XYLT1: variants seen among roughly 807,000 people sequenced by gnomAD.
XYLT1 encodes the protein xylosyltransferase 1.
In XYLT1, 36 loss-of-function variants were observed where a neutral mutation model predicts 91.3. The ratio of observed to expected loss-of-function variants is 0.39; its 90% CI spans 0.30 to 0.52. The LOEUF is 0.52. Ranked by LOEUF, XYLT1 falls within the 20% of genes least tolerant of loss-of-function variation. The pLI, the probability that XYLT1 is intolerant of heterozygous loss-of-function variation, is 0.68. For synonymous variants in XYLT1, 588 were observed against 532.0 expected, an observed-to-expected ratio of 1.11 and a Z score of -1.45; for missense variants, 1,242 against 1,284.5, an observed-to-expected ratio of 0.97 and a Z score of 0.51.
chr16:17,205,563 T>C lies in XYLT1; in HGVS notation c.914-4909A>G, dbSNP rs979772117. Among the ~76,000 whole-genome samples the C allele has an allele frequency of 3.4e-4, 52 of 152,218 alleles. 2 individuals carry two copies. The highest frequency in any genetic ancestry group is 4.4e-5 in the Non-Finnish European group (3 of 68,038). On this transcript the variant is annotated intron_variant, in intron 3 of 11. Transcript: ENST00000261381. The stretch of plus-strand genomic sequence containing the variant: ...TTCACATCCAGAAGAGAGAGCACAG[T>C]GCCTGGCATCTAGCAAATCCTCAAT...
intron 3 of XYLT1, chr16:17,249,916 T>C (rs953930965): frequency 6.6e-6 from 1 of 152,280 alleles, no homozygotes; most frequent in Non-Finnish European, 1.5e-5. Flanking sequence ...CATCAAGCAA[T>C]GCACCCACCT....
At chr16:17,230,963 C>T (rs2033148955) in intron 3 of XYLT1, among the ~76,000 whole-genome samples, 1 of 152,184 alleles carries the variant, frequency 6.6e-6, no homozygotes, top group Non-Finnish European at 1.5e-5. Flanking sequence ...AAGAATGATC[C>T]AGCCCAAAGT....
At chr16:17,267,137 G>A (rs1296988733) in intron 2 of XYLT1, among the ~76,000 whole-genome samples, 1 of 152,184 alleles carries the variant, frequency 6.6e-6, no homozygotes, top group Non-Finnish European at 1.5e-5. Flanking sequence ...GACTGATAGG[G>A]CTGGGTTGGA....
At chr16:17,367,754 G>A (rs1204993316) in intron 1 of XYLT1, among the ~76,000 whole-genome samples, 3 of 152,100 alleles carry the variant, frequency 2.0e-5, no homozygotes, top group South Asian at 4.2e-4. Context: ...TTCTCAATAC[G>A]GCCCGAGGAG....
intron 2 of XYLT1, 141 bp from the exon 3 acceptor site, chr16:17,259,639 C>A: frequency 1.0e-6 from 1 of 1,002,900 alleles, no homozygotes. Flanking sequence ...GGTTTAACCT[C>A]TGGTAAGATG....
chr16:17,160,241 C>T (rs1166092674), intron 5 of XYLT1, among the ~76,000 whole-genome samples: 1 of 152,142 alleles, frequency 6.6e-6, no homozygotes, highest in Non-Finnish European at 1.5e-5. Context: ...ACCTAGTAGG[C>T]CCATCATGCA....
chr16:17,423,897 G>C (rs1164480967), intron 1 of XYLT1, among the ~76,000 whole-genome samples: 1 of 152,176 alleles, frequency 6.6e-6, no homozygotes, highest in Non-Finnish European at 1.5e-5. Context: ...TATTTCATGA[G>C]ATGACTACAG....
chr16:17,138,254 A>G (rs1390272385), intron 8 of XYLT1, 101 bp downstream of exon 8: 1 of 1,414,944 alleles, frequency 7.1e-7, no homozygotes, highest in African/African-American at 1.4e-5. Flanking sequence ...AGGTTTGGGC[A>G]CCATGTGATA....
At chr16:17,317,874 G>A (rs914504444) in intron 2 of XYLT1, among the ~76,000 whole-genome samples, 1 of 152,046 alleles carries the variant, frequency 6.6e-6, no homozygotes, top group African/African-American at 2.4e-5. Flanking sequence ...CTGCCTCAGG[G>A]CATTTGCACA....
In XYLT1 at chr16:17,331,463, T is replaced by C. The variant is rs933568337; in HGVS notation, c.402+26549A>G. 2.6e-5 allele frequency among the ~76,000 whole-genome samples: 4 copies of C among 151,988 alleles called. No individual in the cohort carries two copies. In the East Asian group the frequency reaches 7.7e-4, roughly 29 times the overall value. On this transcript the variant is annotated intron_variant, in intron 2 of 11. Transcript: ENST00000261381. ...TGGAAACAGTACATGGAAGGCCAGA[T>C]GTAGCCTTTGGCTTGAAGAACTGAG...
At chr16:17,259,767 C>A (rs987367810) in intron 2 of XYLT1, among the ~76,000 whole-genome samples, 6 of 152,232 alleles carry the variant, frequency 3.9e-5, no homozygotes, top group Non-Finnish European at 8.8e-5. Context: ...TTATTAACCA[C>A]ACCTTTTCAA....
intron 1 of XYLT1, among the ~76,000 whole-genome samples, chr16:17,363,926 G>A (rs2035414577): frequency 6.6e-6 from 1 of 152,172 alleles, no homozygotes; most frequent in Middle Eastern, 3.2e-3. Context: ...TGATCTGCCT[G>A]CCTCACCCTC....
intron 2 of XYLT1, among the ~76,000 whole-genome samples, chr16:17,351,054 C>T (rs977809549): frequency 2.6e-5 from 4 of 152,120 alleles, no homozygotes; most frequent in African/African-American, 9.7e-5. Flanking sequence ...ATTCTTTGCA[C>T]TAGTAAGCCA....
At chr16:17,259,938 A>G (rs1429836011) in intron 2 of XYLT1, among the ~76,000 whole-genome samples, 1 of 152,148 alleles carries the variant, frequency 6.6e-6, no homozygotes, top group African/African-American at 2.4e-5. Context: ...TATTACATAC[A>G]TTCCATTGCC....
chr16:17,259,526 A>G, intron 2 of XYLT1, 28 bp from the exon 3 acceptor site: 1 of 1,593,958 alleles, frequency 6.3e-7, no homozygotes, highest in Non-Finnish European at 8.5e-7. Flanking sequence ...GAAACAGAAG[A>G]GAAACTTGAC....
chr16:17,177,672 T>C (rs2031974763), intron 5 of XYLT1, among the ~76,000 whole-genome samples: 2 of 152,194 alleles, frequency 1.3e-5, no homozygotes, highest in Admixed American at 6.5e-5. Context: ...TAAAAATCTC[T>C]CTCTTCCTGA....
chr16:17,365,601 T>G (rs574713668), intron 1 of XYLT1, among the ~76,000 whole-genome samples: 1 of 152,156 alleles, frequency 6.6e-6, no homozygotes, highest in Non-Finnish European at 1.5e-5. Flanking sequence ...CTGGGTGTAT[T>G]GCGCGCTCTC....
intron 8 of XYLT1, among the ~76,000 whole-genome samples, chr16:17,135,341 A>G (rs2030673597): frequency 1.3e-5 from 2 of 152,024 alleles, no homozygotes; most frequent in African/African-American, 4.8e-5. Flanking sequence ...GCAGACTCAC[A>G]AGGGATCGGA....
intron 6 of XYLT1, among the ~76,000 whole-genome samples, chr16:17,151,563 TGTCATGGG>T (rs1261066258): frequency 6.6e-6 from 1 of 152,204 alleles, no homozygotes; most frequent in Non-Finnish European, 1.5e-5. Context: ...ATCGCATTTA[TGTCATGGG>T]GTTGTTGTAG....
Sources: allele counts gnomAD v4.1 joint callset (sites outside exome capture counted in the v4.1 genomes callset), GRCh38; gene constraint gnomAD v4.1.1; transcripts MANE v1.5; gene names NCBI Gene and HGNC (gene_info 2026-07-23, HGNC 2026-07-21).